The following IL1RAP variants were observed in gnomAD, a reference collection of about 807,000 sequenced individuals.
The protein encoded by IL1RAP is interleukin-1 receptor accessory protein.
Under a neutral mutation model 60.7 loss-of-function variants are expected in IL1RAP, and 35 were observed. The ratio of observed to expected loss-of-function variants is 0.58; its 90% CI spans 0.44 to 0.76. The LOEUF is 0.76. Among genes scored for constraint, IL1RAP ranks in the 30% least tolerant of loss-of-function variants. IL1RAP has a pLI of 0.00. For synonymous variants in IL1RAP, 268 were observed against 250.9 expected (o/e 1.07, Z -0.64); for missense variants, 572 against 693.9 (o/e 0.82, Z 1.97).
At chr3:190,629,537 A>G (rs571100036) in intron 9 of IL1RAP, 39 bp downstream of exon 9, 1 of 1,577,156 alleles carries the variant, frequency 6.3e-7, no homozygotes, top group South Asian at 1.2e-5. Context: ...TCAGCTCCAA[A>G]TTAACATTGT....
chr3:190,519,794 G>T (rs934273175), intron 1 of IL1RAP, among the ~76,000 whole-genome samples: 2 of 151,928 alleles, frequency 1.3e-5, no homozygotes, highest in African/African-American at 4.8e-5. Flanking sequence ...TTTGTAATTT[G>T]TGCTTTTGTT....
chr3:190,613,551 GAGA>G (rs1219385637), intron 5 of IL1RAP, among the ~76,000 whole-genome samples: 2 of 152,248 alleles, frequency 1.3e-5, no homozygotes, highest in Non-Finnish European at 2.9e-5. Flanking sequence ...CATAAATTCT[GAGA>G]AGGAGACAGA....
At chr3:190,558,377 G>T (rs1200965984) in intron 2 of IL1RAP, among the ~76,000 whole-genome samples, 1 of 152,086 alleles carries the variant, frequency 6.6e-6, no homozygotes, top group Non-Finnish European at 1.5e-5. Context: ...TCCAGAGAGG[G>T]TATATGGACA....
intron 3 of IL1RAP, among the ~76,000 whole-genome samples, chr3:190,576,183 A>G (rs1727429918): frequency 6.6e-6 from 1 of 152,228 alleles, no homozygotes; most frequent in South Asian, 2.1e-4. Context: ...AATATTTATT[A>G]TAATGTTGGG....
intron 3 of IL1RAP, among the ~76,000 whole-genome samples, chr3:190,583,822 G>C (rs1471746964): frequency 6.6e-6 from 1 of 152,162 alleles, no homozygotes; most frequent in Admixed American, 6.5e-5. Flanking sequence ...GCCTCTGCCC[G>C]GTTGTTACAA....
Position 190,650,604 on chromosome 3 carries a change from C to G in IL1RAP, c.*1899C>G. 1 of 862,044 alleles carries G rather than the reference C, an allele frequency of 1.2e-6. No homozygotes were observed. The allele number at this position is 862,044 out of a possible 1,614,324, so 53.4% of individuals were successfully genotyped here. On this transcript the variant is annotated 3_prime_UTR_variant, in exon 12 of 12. Coordinates refer to ENST00000447382, the MANE Select transcript of IL1RAP (RefSeq NM_002182.4). ...AAAATTATATCCTATATTTAAGTAC[C>G]CATAATAAATCATTTCCCTCTATAA...
At chr3:190,630,224 C>A in intron 9 of IL1RAP, 1 of 792,868 alleles carries the variant, frequency 1.3e-6, no homozygotes, top group Non-Finnish European at 1.5e-6. Context: ...GTTGATAGTA[C>A]TATATTATTC....
chr3:190,548,965 T>G (rs935686627), intron 1 of IL1RAP, among the ~76,000 whole-genome samples: 2 of 152,182 alleles, frequency 1.3e-5, no homozygotes, highest in South Asian at 4.1e-4. Flanking sequence ...CCTTAATAGG[T>G]ATATTGCATA....
intron 3 of IL1RAP, among the ~76,000 whole-genome samples, chr3:190,603,581 A>T (rs779322543): frequency 1.6e-4 from 25 of 152,148 alleles, no homozygotes; most frequent in Non-Finnish European, 3.1e-4. Flanking sequence ...TATATTTTGG[A>T]TATATTGGGT....
At chr3:190,595,042 T>A (rs1729264354) in intron 3 of IL1RAP, among the ~76,000 whole-genome samples, 1 of 152,202 alleles carries the variant, frequency 6.6e-6, no homozygotes, top group South Asian at 2.1e-4. Context: ...TCCTGATTCC[T>A]CTTACCAGAT....
intron 8 of IL1RAP, among the ~76,000 whole-genome samples, chr3:190,629,018 C>T (rs180919274): frequency 1.3e-5 from 2 of 152,126 alleles, no homozygotes; most frequent in East Asian, 3.9e-4. Flanking sequence ...AGGACCTGGC[C>T]CCAGAAGCTT....
At chr3:190,550,174 T>G in intron 1 of IL1RAP, among the ~76,000 whole-genome samples, 1 of 152,208 alleles carries the variant, frequency 6.6e-6, no homozygotes, top group Non-Finnish European at 1.5e-5. Flanking sequence ...GTCAGTAGCC[T>G]TGGAGTTCCC....
rs569641216 is a variant in IL1RAP at position 190,636,986 on chromosome 3, A to AT, written c.1052-7257dup. On this transcript the variant is annotated intron_variant, in intron 9 of 11. Coordinates refer to ENST00000447382, the MANE Select transcript of IL1RAP (RefSeq NM_002182.4). Reference sequence around the variant, plus strand: ...TTTTGTTTCCTCTAGAGTTTATAATATTTTTCCTAAACTTATCAGTTGATC... The same window carrying AT: ...TTTTGTTTCCTCTAGAGTTTATAATATTTTTTCCTAAACTTATCAGTTGATC... Among the ~76,000 whole-genome samples the AT allele has an allele frequency of 3.7e-3, 560 of 151,864 alleles. 1 individual carries two copies. The highest frequency in any genetic ancestry group is 6.7e-3 in the Non-Finnish European group (453 of 67,912).
intron 1 of IL1RAP, among the ~76,000 whole-genome samples, chr3:190,554,379 C>A (rs2108599644): frequency 6.6e-6 from 1 of 152,320 alleles, no homozygotes; most frequent in South Asian, 2.1e-4. Context: ...AGGCAGGCTC[C>A]TCCCCCCTGC....
intron 5 of IL1RAP, among the ~76,000 whole-genome samples, chr3:190,613,606 A>G (rs1731010368): frequency 6.6e-6 from 1 of 152,174 alleles, no homozygotes; most frequent in Non-Finnish European, 1.5e-5. Flanking sequence ...CCAATATCCA[A>G]CCATGCACAG....
intron 9 of IL1RAP, among the ~76,000 whole-genome samples, chr3:190,643,661 G>A (rs754004693): frequency 2.0e-5 from 3 of 152,168 alleles, no homozygotes; most frequent in Admixed American, 6.5e-5. Context: ...TCAGCATCTG[G>A]TGGATGTCCT....
At chr3:190,620,585 A>G in intron 6 of IL1RAP, 145 bp downstream of exon 6, 1 of 617,832 alleles carries the variant, frequency 1.6e-6, no homozygotes, top group Non-Finnish European at 2.7e-6. Context: ...TAGAGCCTTC[A>G]ACAATTCCAT....
At chr3:190,561,215 G>C (rs1056031182) in intron 2 of IL1RAP, among the ~76,000 whole-genome samples, 1 of 152,150 alleles carries the variant, frequency 6.6e-6, no homozygotes, top group African/African-American at 2.4e-5. Flanking sequence ...AACCAAAAGT[G>C]TATTACTCTT....
chr3:190,617,988 A>G (rs1411496465), intron 5 of IL1RAP, among the ~76,000 whole-genome samples: 2 of 152,208 alleles, frequency 1.3e-5, no homozygotes, highest in African/African-American at 2.4e-5. Flanking sequence ...ACTGTTGACA[A>G]GTTCAGTAAA....
Sources: gnomAD v4.1 joint callset for allele counts (sites outside exome capture counted in the v4.1 genomes callset) on GRCh38, gnomAD v4.1.1 for gene constraint, MANE v1.5 for transcripts, NCBI Gene and HGNC (gene_info 2026-07-23, HGNC 2026-07-21) for gene names.